Variants in ITSN1 observed in about 807,000 individuals in gnomAD.
ITSN1 encodes intersectin-1.
Under a neutral mutation model 239.8 loss-of-function variants are expected in ITSN1, and 58 were observed. The observed-to-expected ratio is 0.24, with a 90% CI of 0.20 to 0.30. ITSN1 has a LOEUF of 0.30. Ranked by LOEUF, ITSN1 falls within the 10% of genes least tolerant of loss-of-function variation. The pLI is 1.00. For synonymous variants in ITSN1, 780 were observed against 770.8 expected (o/e 1.01, Z -0.20); for missense variants, 1,558 against 2,103.3 (o/e 0.74, Z 5.07).
intron 1 of ITSN1, among the ~76,000 whole-genome samples, chr21:33,702,122 T>TCCA (rs1350982643): frequency 8.2e-6 from 1 of 121,262 alleles, no homozygotes; most frequent in Non-Finnish European, 1.7e-5. Flanking sequence ...TTTTTTTTTT[T>TCCA]TTTTTTTTTT....
intron 25 of ITSN1, among the ~76,000 whole-genome samples, 170 bp downstream of exon 25, chr21:33,823,823 A>T (rs1479424598): frequency 6.6e-6 from 1 of 152,188 alleles, no homozygotes; most frequent in African/African-American, 2.4e-5. Context: ...ACTGCGCAGT[A>T]AGCACTGGCT....
At chr21:33,849,569 A>AG in intron 29 of ITSN1, among the ~76,000 whole-genome samples, 1 of 150,792 alleles carries the variant, frequency 6.6e-6, no homozygotes, top group East Asian at 1.9e-4. Flanking sequence ...CTGTCTCAAA[A>AG]AAAAAAAAAA....
At chr21:33,851,778 CT>C (rs35567402) in intron 29 of ITSN1, among the ~76,000 whole-genome samples, 1,832 of 66,082 alleles carry the variant, frequency 0.028, 7 homozygotes, top group Non-Finnish European at 0.037. Flanking sequence ...CTTTTCTTTC[CT>C]TTTTTTTTTT....
Position 33,890,974 on chromosome 21 carries a change from C to T in ITSN1, c.*2674C>T, listed in dbSNP as rs1379069666. The T allele has an allele frequency of 1.3e-5, 2 of 152,396 alleles. No homozygotes were observed. The highest frequency in any genetic ancestry group is 2.9e-5 in the Non-Finnish European group (2 of 68,136). The allele number at this position is 152,396 out of a possible 1,614,324, so 9.4% of individuals were successfully genotyped here. A position where few individuals can be genotyped will look rare whatever the true frequency, so the allele number is the denominator to read the frequency against. On this transcript the variant is annotated 3_prime_UTR_variant, in exon 40 of 40. Transcript: ENST00000381318. ...TGCTGGTCATAGGGTTATGCTGTAA[C>T]CCTCAGTCTTCCCTGAGAACTGAAC...
In ITSN1 at chr21:33,718,821, A is replaced by G. The variant is rs770185287; in HGVS notation, c.-8A>G. 9 of 1,612,984 alleles carry G rather than the reference A, an allele frequency of 5.6e-6. No individual in the cohort carries two copies. The highest frequency in any genetic ancestry group is 2.2e-5 in the East Asian group (1 of 44,838). ...GGCGTCGATTAGCAAGGTAAAAGTA[A>G]CAGAACCATGGCTCAGTTTCCAACA... On this transcript the variant is annotated 5_prime_UTR_variant, in exon 2 of 40. Transcript: ENST00000381318.
chr21:33,717,656 C>T (rs1040084974), intron 1 of ITSN1, among the ~76,000 whole-genome samples: 9 of 151,728 alleles, frequency 5.9e-5, no homozygotes, highest in South Asian at 2.1e-4. Flanking sequence ...CCTGGGTTCA[C>T]GCCATTCTCC....
At chr21:33,645,272 T>A (rs1358029121) in intron 1 of ITSN1, among the ~76,000 whole-genome samples, 2 of 152,214 alleles carry the variant, frequency 1.3e-5, no homozygotes, top group Non-Finnish European at 2.9e-5. Context: ...TCCTCCTGAA[T>A]GGCTCCACTT....
chr21:33,873,529 G>C (rs73900387), intron 33 of ITSN1, among the ~76,000 whole-genome samples: 8,243 of 152,266 alleles, frequency 0.054, 325 homozygotes, highest in African/African-American at 0.12. Context: ...ACCATATAAA[G>C]GAGGCTATTA....
chr21:33,782,960 G>A (rs746786548), intron 16 of ITSN1, among the ~76,000 whole-genome samples: 1 of 152,118 alleles, frequency 6.6e-6, no homozygotes, highest in Non-Finnish European at 1.5e-5. Context: ...AGGAGGCGGA[G>A]CTTGCAGTAA....
chr21:33,743,362 A>G (rs1311514172), intron 5 of ITSN1, among the ~76,000 whole-genome samples: 5 of 152,232 alleles, frequency 3.3e-5, no homozygotes, highest in African/African-American at 9.6e-5. Context: ...GCTACTTTGG[A>G]GGCTGAGGCA....
chr21:33,652,450 A>G (rs1036533302), intron 1 of ITSN1, among the ~76,000 whole-genome samples: 2 of 152,146 alleles, frequency 1.3e-5, no homozygotes, highest in Admixed American at 1.3e-4. Flanking sequence ...TTTTCACTTA[A>G]TGTGTTGTAT....
At chr21:33,686,920 TTTTG>T (rs893424278) in intron 1 of ITSN1, among the ~76,000 whole-genome samples, 31 of 152,190 alleles carry the variant, frequency 2.0e-4, no homozygotes, top group African/African-American at 7.2e-4. Context: ...GTTTGGGTGG[TTTTG>T]TTTGTCAGTG....
chr21:33,713,400 T>C (rs927242980), intron 1 of ITSN1, among the ~76,000 whole-genome samples: 5 of 151,692 alleles, frequency 3.3e-5, no homozygotes, highest in African/African-American at 1.2e-4. Context: ...CCACCACGCC[T>C]GGCTAATTTT....
chr21:33,824,934 T>A (rs1185742172), intron 25 of ITSN1, among the ~76,000 whole-genome samples: 1 of 152,158 alleles, frequency 6.6e-6, no homozygotes, highest in Non-Finnish European at 1.5e-5. Context: ...ATTGGACTTT[T>A]CAGACCTGGA....
intron 8 of ITSN1, among the ~76,000 whole-genome samples, chr21:33,760,894 T>G (rs1487968296): frequency 2.0e-5 from 3 of 152,186 alleles, no homozygotes; most frequent in Non-Finnish European, 4.4e-5. Flanking sequence ...CCTCTCTGAC[T>G]GTAGTTTATT....
At chr21:33,662,433 G>A (rs887213990) in intron 1 of ITSN1, among the ~76,000 whole-genome samples, 1 of 152,048 alleles carries the variant, frequency 6.6e-6, no homozygotes, top group African/African-American at 2.4e-5. Flanking sequence ...TTTTCATTTT[G>A]AACCTTCTTA....
chr21:33,766,752 T>C (rs960485893), intron 10 of ITSN1, among the ~76,000 whole-genome samples: 1 of 152,202 alleles, frequency 6.6e-6, no homozygotes, highest in Non-Finnish European at 1.5e-5. Flanking sequence ...ACTGTGACTA[T>C]GTAGGAAGCA....
Position 33,735,101 on chromosome 21 carries a change from T to C in ITSN1, c.243T>C (p.Ala81=). ...GRMDQVEFSI[A]MKLIKLKLQG... is the part of the protein sequence containing the mutation. Reference sequence around the variant, plus strand: ...TGGATCAAGTGGAGTTTTCCATAGCTATGAAACTTATCAAACTGAAGCTAC... The same window carrying C: ...TGGATCAAGTGGAGTTTTCCATAGCCATGAAACTTATCAAACTGAAGCTAC... The change falls in exon 5 of 40, where the codon GCT becomes GCC. Residue 81 remains alanine (A), a synonymous_variant. Coordinates refer to ENST00000381318, the MANE Select transcript of ITSN1 (RefSeq NM_003024.3). 6.2e-7 allele frequency: 1 copy of C among 1,614,002 alleles called. No individual in the cohort carries two copies. The highest frequency in any genetic ancestry group is 8.5e-7 in the Non-Finnish European group (1 of 1,179,898).
intron 21 of ITSN1, among the ~76,000 whole-genome samples, chr21:33,812,158 A>T (rs2072959770): frequency 6.6e-6 from 1 of 152,234 alleles, no homozygotes; most frequent in Non-Finnish European, 1.5e-5. Flanking sequence ...TAAGAAAAAA[A>T]AGCCTTCCAT....
Sources: allele counts gnomAD v4.1 joint callset (sites outside exome capture counted in the v4.1 genomes callset), GRCh38; gene constraint gnomAD v4.1.1; transcripts MANE v1.5; gene names NCBI Gene and HGNC (gene_info 2026-07-23, HGNC 2026-07-21).